KCNQ3: variants seen among roughly 807,000 people sequenced by gnomAD.
The protein encoded by KCNQ3 is potassium voltage-gated channel subfamily Q member 3.
Under a neutral mutation model 92.5 loss-of-function variants are expected in KCNQ3, and 30 were observed. That is an observed-to-expected ratio of 0.32 (90% CI 0.24 to 0.44). The LOEUF (loss-of-function observed/expected upper bound fraction) is 0.44. KCNQ3 is among the 20% of genes least tolerant of loss of function. The pLI, the probability that KCNQ3 is intolerant of heterozygous loss-of-function variation, is 1.00. For missense variants in KCNQ3, 913 were observed against 1,140.3 expected (o/e 0.80, Z 2.87); for synonymous variants, 450 against 468.8 (o/e 0.96, Z 0.52).
intron 1 of KCNQ3, among the ~76,000 whole-genome samples, chr8:132,214,339 T>A (rs900557824): frequency 2.0e-5 from 3 of 152,166 alleles, no homozygotes; most frequent in Non-Finnish European, 2.9e-5. Context: ...AGCCAATATT[T>A]CTCTCTCTCT....
rs370335527 is a variant in KCNQ3 at position 132,303,657 on chromosome 8, G to GGTGTGTGTGTGTGT, written c.387-117477_387-117476insACACACACACACAC. On this transcript the variant is annotated intron_variant, in intron 1 of 14. Coordinates refer to ENST00000388996, the MANE Select transcript of KCNQ3 (RefSeq NM_004519.4). ...GGTGTATATATATATATATATTTAT[G>GGTGTGTGTGTGTGT]GTGTGTGTGTATATATATATACACA... 5.4e-4 allele frequency among the ~76,000 whole-genome samples: 36 copies of GGTGTGTGTGTGTGT among 66,372 alleles called. 1 individual carries two copies. The highest frequency in any genetic ancestry group is 2.4e-3 in the South Asian group (4 of 1,666). The allele number at this position is 66,372 out of a possible 152,430, so 43.5% of individuals were successfully genotyped here. A position where few individuals can be genotyped will look rare whatever the true frequency, so the allele number is the denominator to read the frequency against.
At chr8:132,330,718 CAT>C (rs760676044) in intron 1 of KCNQ3, among the ~76,000 whole-genome samples, 6 of 152,182 alleles carry the variant, frequency 3.9e-5, no homozygotes, top group Non-Finnish European at 8.8e-5. Context: ...CAGCCAGAAA[CAT>C]GTGTGGACAC....
intron 1 of KCNQ3, among the ~76,000 whole-genome samples, chr8:132,432,088 T>G (rs1450272843): frequency 6.6e-6 from 1 of 152,230 alleles, no homozygotes; most frequent in Non-Finnish European, 1.5e-5. Context: ...TTAACTGAAT[T>G]TGATGCTTGT....
At chr8:132,319,715 C>G (rs1420640513) in intron 1 of KCNQ3, among the ~76,000 whole-genome samples, 1 of 152,216 alleles carries the variant, frequency 6.6e-6, no homozygotes, top group Non-Finnish European at 1.5e-5. Flanking sequence ...GCTCCCCCGC[C>G]CATCTATAAT....
At chr8:132,345,679 C>T (rs1818666472) in intron 1 of KCNQ3, among the ~76,000 whole-genome samples, 1 of 152,190 alleles carries the variant, frequency 6.6e-6, no homozygotes, top group Non-Finnish European at 1.5e-5. Context: ...GTCTCATTAC[C>T]CCTATCTCTG....
chr8:132,123,812 A>G lies in KCNQ3; in HGVS notation c.*5450T>C, dbSNP rs1563756858. The G allele has an allele frequency of 6.6e-6, 1 of 152,196 alleles. No individual in the cohort carries two copies. The highest frequency in any genetic ancestry group is 1.5e-5 in the Non-Finnish European group (1 of 68,026). The allele number at this position is 152,196 out of a possible 1,614,324, so 9.4% of individuals were successfully genotyped here. A position where few individuals can be genotyped will look rare whatever the true frequency, so the allele number is the denominator to read the frequency against. ...CATGAAATTATGTCTCTTTGCATCT[A>G]TGATAACAAATCAAAATATGAATCA... On this transcript the variant is annotated 3_prime_UTR_variant, in exon 15 of 15. Transcript: ENST00000388996.
chr8:132,462,618 C>G (rs1025803611), intron 1 of KCNQ3, among the ~76,000 whole-genome samples: 1 of 152,210 alleles, frequency 6.6e-6, no homozygotes, highest in Non-Finnish European at 1.5e-5. Context: ...CGCATCACAG[C>G]TACTGCATTC....
intron 1 of KCNQ3, among the ~76,000 whole-genome samples, chr8:132,364,785 T>G (rs772298172): frequency 3.9e-5 from 6 of 152,198 alleles, no homozygotes; most frequent in Admixed American, 2.0e-4. Context: ...AGTCAGTATG[T>G]ACTTATGCAA....
chr8:132,281,227 C>T (rs1421172366), intron 1 of KCNQ3, among the ~76,000 whole-genome samples: 5 of 152,078 alleles, frequency 3.3e-5, no homozygotes, highest in Non-Finnish European at 5.9e-5. Flanking sequence ...TACCATGTGC[C>T]CTTCCTTTAG....
At chr8:132,268,770 T>C (rs576172171) in intron 1 of KCNQ3, among the ~76,000 whole-genome samples, 2 of 152,212 alleles carry the variant, frequency 1.3e-5, no homozygotes, top group South Asian at 2.1e-4. Context: ...CTGGATCATA[T>C]GCTAAGAATA....
At chr8:132,386,146 A>C (rs1165146987) in intron 1 of KCNQ3, among the ~76,000 whole-genome samples, 1 of 152,184 alleles carries the variant, frequency 6.6e-6, no homozygotes, top group African/African-American at 2.4e-5. Context: ...TCCTGATTGG[A>C]AAAGAAATGA....
At chr8:132,296,825 T>C (rs1461877468) in intron 1 of KCNQ3, among the ~76,000 whole-genome samples, 1 of 151,950 alleles carries the variant, frequency 6.6e-6, no homozygotes, top group Non-Finnish European at 1.5e-5. Flanking sequence ...GTCTTTGCTA[T>C]TGTGAATAGT....
At chr8:132,300,823 A>G (rs1303534355) in intron 1 of KCNQ3, among the ~76,000 whole-genome samples, 1 of 152,124 alleles carries the variant, frequency 6.6e-6, no homozygotes, top group Non-Finnish European at 1.5e-5. Context: ...TTGTGGGCTC[A>G]TCTGTAGAGT....
chr8:132,165,220 C>A (rs150384757), intron 8 of KCNQ3, among the ~76,000 whole-genome samples: 15 of 152,262 alleles, frequency 9.9e-5, no homozygotes, highest in African/African-American at 3.6e-4. Flanking sequence ...TTGCTCTAGC[C>A]AAAGCCCCAG....
At chr8:132,191,535 T>TAA (rs1443691624) in intron 1 of KCNQ3, among the ~76,000 whole-genome samples, 1 of 150,066 alleles carries the variant, frequency 6.7e-6, no homozygotes. Context: ...TATATATATA[T>TAA]AATATATGGA....
intron 1 of KCNQ3, among the ~76,000 whole-genome samples, chr8:132,320,133 G>T (rs902149832): frequency 1.3e-5 from 2 of 152,210 alleles, no homozygotes; most frequent in African/African-American, 4.8e-5. Flanking sequence ...ACTGGTATGT[G>T]GTTGGATTTG....
At chr8:132,439,730 G>T (rs956156308) in intron 1 of KCNQ3, among the ~76,000 whole-genome samples, 2 of 152,126 alleles carry the variant, frequency 1.3e-5, no homozygotes, top group Non-Finnish European at 2.9e-5. Flanking sequence ...TCAAAAGCTG[G>T]AAAAAGCAGG....
chr8:132,354,013 G>C (rs1235106539), intron 1 of KCNQ3, among the ~76,000 whole-genome samples: 2 of 152,124 alleles, frequency 1.3e-5, no homozygotes, highest in African/African-American at 2.4e-5. Flanking sequence ...AGGTACTGTG[G>C]GGAACACACA....
chr8:132,217,484 G>A lies in KCNQ3; in HGVS notation c.387-31303C>T, dbSNP rs576557578. Among the ~76,000 whole-genome samples, 9 of 152,202 alleles carry A rather than the reference G, an allele frequency of 5.9e-5. No homozygotes were observed. The East Asian group carries it at 1.7e-3, about 29-fold the overall frequency. On this transcript the variant is annotated intron_variant, in intron 1 of 14. Coordinates refer to ENST00000388996, the MANE Select transcript of KCNQ3 (RefSeq NM_004519.4). ...CCAGCACTTTGGGAGGCCGAGGTGG[G>A]CGGATCATGAGGTCAGGAGATGGAG...
Sources: allele counts gnomAD v4.1 joint callset (sites outside exome capture counted in the v4.1 genomes callset), GRCh38; gene constraint gnomAD v4.1.1; transcripts MANE v1.5; gene names NCBI Gene and HGNC (gene_info 2026-07-23, HGNC 2026-07-21).